KCNIP4: variants seen among roughly 807,000 people sequenced by gnomAD.
KCNIP4 encodes the protein Kv channel-interacting protein 4.
KCNIP4 carries 12 observed loss-of-function variants against 34.0 expected under a neutral mutation model. That is an observed-to-expected ratio of 0.35 (90% CI 0.23 to 0.57). KCNIP4 has a LOEUF of 0.57. KCNIP4 is among the 20% of genes least tolerant of loss of function. The pLI is 0.83. For missense variants in KCNIP4, 238 were observed against 311.7 expected (o/e 0.76, Z 1.78); for synonymous variants, 124 against 102.2 (o/e 1.21, Z -1.29).
At chr4:21,595,065 T>A (rs1442977528) in intron 1 of KCNIP4, among the ~76,000 whole-genome samples, 1 of 152,130 alleles carries the variant, frequency 6.6e-6, no homozygotes, top group Non-Finnish European at 1.5e-5. Context: ...GGTGATTTAC[T>A]GCACCCATCA....
chr4:20,729,842 A>ATTCACAGAGTATGAAATGAGTTAG lies in KCNIP4; in HGVS notation c.*216_*239dup. 2.6e-6 allele frequency: 1 copy of ATTCACAGAGTATGAAATGAGTTAG among 390,076 alleles called. No homozygotes were observed. The highest frequency in any genetic ancestry group is 4.3e-5 in the Admixed American group (1 of 23,160). The allele number at this position is 390,076 out of a possible 1,614,324, so 24.2% of individuals were successfully genotyped here. On this transcript the variant is annotated 3_prime_UTR_variant, in exon 9 of 9. Coordinates refer to ENST00000382152, the MANE Select transcript of KCNIP4 (RefSeq NM_025221.6). ...ATGCCAGATTCTATTACTTTTGAAT[A>ATTCACAGAGTATGAAATGAGTTAG]TTCACAGAGTATGAAATGAGTTAGA... is the stretch of plus-strand genomic sequence containing the variant.
intron 1 of KCNIP4, among the ~76,000 whole-genome samples, chr4:21,387,945 G>A (rs1722179126): frequency 6.6e-6 from 1 of 152,106 alleles, no homozygotes; most frequent in Non-Finnish European, 1.5e-5. Flanking sequence ...TTGCATAATG[G>A]ACGTCAGGGA....
intron 1 of KCNIP4, among the ~76,000 whole-genome samples, chr4:21,392,989 C>T (rs1283208841): frequency 5.3e-5 from 8 of 152,130 alleles, no homozygotes; most frequent in Non-Finnish European, 1.0e-4. Flanking sequence ...CCTAAGGGGG[C>T]TTCTTTTTAA....
chr4:21,248,750 C>T (rs1441964675), intron 1 of KCNIP4, among the ~76,000 whole-genome samples: 1 of 152,124 alleles, frequency 6.6e-6, no homozygotes, highest in Non-Finnish European at 1.5e-5. Context: ...AGTATAAGGG[C>T]TTAACATATA....
At chr4:21,186,907 T>G (rs1440755032) in intron 1 of KCNIP4, among the ~76,000 whole-genome samples, 1 of 152,158 alleles carries the variant, frequency 6.6e-6, no homozygotes, top group East Asian at 1.9e-4. Flanking sequence ...CCCAAAGTGC[T>G]GGGATCACAG....
At chr4:21,512,076 AGAAG>A (rs552706781) in intron 1 of KCNIP4, among the ~76,000 whole-genome samples, 12 of 127,812 alleles carry the variant, frequency 9.4e-5, no homozygotes, top group Middle Eastern at 3.8e-3. Flanking sequence ...AAGGAAGGAA[AGAAG>A]GAAGGAAGGA....
chr4:21,931,279 A>T (rs10019625), intron 1 of KCNIP4, among the ~76,000 whole-genome samples: 111,156 of 151,046 alleles, frequency 0.74, 41,769 homozygotes, highest in African/African-American at 0.87. Flanking sequence ...TGTTTTTTTT[A>T]AATTATACTT....
intron 1 of KCNIP4, among the ~76,000 whole-genome samples, chr4:21,376,681 C>A (rs573201155): frequency 1.3e-5 from 2 of 152,294 alleles, no homozygotes; most frequent in South Asian, 2.1e-4. Context: ...ATCAGTGTTA[C>A]GTTTGCCTTT....
intron 1 of KCNIP4, among the ~76,000 whole-genome samples, chr4:21,930,655 CCTCTAAATCCCT>C (rs1560187834): frequency 6.6e-6 from 1 of 152,068 alleles, no homozygotes; most frequent in Non-Finnish European, 1.5e-5. Context: ...GCTGATCCTA[CCTCTAAATCCCT>C]CTCTCTCCTC....
intron 1 of KCNIP4, among the ~76,000 whole-genome samples, chr4:21,626,396 T>A (rs1320540352): frequency 6.6e-6 from 1 of 151,748 alleles, no homozygotes; most frequent in Non-Finnish European, 1.5e-5. Context: ...TTTGTTTTTT[T>A]TTCACCCCCT....
intron 1 of KCNIP4, among the ~76,000 whole-genome samples, chr4:21,657,841 ATTTTT>A (rs34034617): frequency 1.4e-5 from 2 of 145,260 alleles, no homozygotes; most frequent in African/African-American, 5.0e-5. Context: ...TTTAAACATA[ATTTTT>A]TTTTTTTTTT....
intron 2 of KCNIP4, among the ~76,000 whole-genome samples, chr4:20,876,350 G>T (rs1196811250): frequency 6.6e-6 from 1 of 152,074 alleles, no homozygotes; most frequent in Non-Finnish European, 1.5e-5. Flanking sequence ...GAGTTACTCA[G>T]AGTTATTCAA....
At chr4:21,801,378 T>C (rs1720983673) in intron 1 of KCNIP4, among the ~76,000 whole-genome samples, 1 of 151,806 alleles carries the variant, frequency 6.6e-6, no homozygotes, top group African/African-American at 2.4e-5. Context: ...GCCAAAAGAG[T>C]GGCTTTGTTC....
intron 1 of KCNIP4, among the ~76,000 whole-genome samples, chr4:21,113,516 C>T (rs1358044809): frequency 1.0e-5 from 1 of 96,372 alleles, no homozygotes; most frequent in Non-Finnish European, 2.3e-5. Flanking sequence ...TGGAAAGAAA[C>T]AGTTGAGTTA....
chr4:21,102,341 A>G (rs956885404), intron 1 of KCNIP4, among the ~76,000 whole-genome samples: 17 of 152,218 alleles, frequency 1.1e-4, no homozygotes, highest in African/African-American at 4.1e-4. Flanking sequence ...ATAAATTACA[A>G]TATTAAATAT....
rs140098526 is a variant in KCNIP4, at chr4:21,178,326, A to G, written c.62-295617T>C. 7.1e-3 allele frequency among the ~76,000 whole-genome samples: 1,083 copies of G among 152,260 alleles called. 20 individuals carry two copies. Among genetic ancestry groups the G allele is most frequent in the African/African-American group, 0.025 (1,023 of 41,556 alleles). ...ATTTCTCCAGTTAGAAAACATAAAC[A>G]TTGGTTGGAACGAAGATTTTGTTGT... On this transcript the variant is annotated intron_variant, in intron 1 of 8. Coordinates refer to ENST00000382152, the MANE Select transcript of KCNIP4 (RefSeq NM_025221.6).
intron 1 of KCNIP4, among the ~76,000 whole-genome samples, chr4:21,471,232 A>G (rs566800590): frequency 6.6e-6 from 1 of 152,086 alleles, no homozygotes; most frequent in African/African-American, 2.4e-5. Flanking sequence ...TTGAGGAAAA[A>G]CTTTTGCCCT....
chr4:21,153,778 T>A (rs981933524), intron 1 of KCNIP4, among the ~76,000 whole-genome samples: 1 of 152,108 alleles, frequency 6.6e-6, no homozygotes, highest in South Asian at 2.1e-4. Context: ...GTACAGCTCC[T>A]TGAGCACTCA....
intron 1 of KCNIP4, among the ~76,000 whole-genome samples, chr4:21,274,728 A>G (rs1762337863): frequency 6.6e-6 from 1 of 152,204 alleles, no homozygotes; most frequent in Non-Finnish European, 1.5e-5. Context: ...AGCCCAAAAC[A>G]TAAATATTCA....
Sources: allele counts gnomAD v4.1 joint callset (sites outside exome capture counted in the v4.1 genomes callset), GRCh38; gene constraint gnomAD v4.1.1; transcripts MANE v1.5; gene names NCBI Gene and HGNC (gene_info 2026-07-23, HGNC 2026-07-21).